The following DSCAML1 variants were observed in gnomAD, a reference collection of about 807,000 sequenced individuals.
DSCAML1 encodes DS cell adhesion molecule like 1.
A neutral mutation model predicts 200.5 loss-of-function variants in DSCAML1; 38 were observed. The ratio of observed to expected loss-of-function variants is 0.19; its 90% CI spans 0.15 to 0.25. The LOEUF (loss-of-function observed/expected upper bound fraction) is 0.25, where lower values mean the gene tolerates loss of function less well. Ranked by LOEUF, DSCAML1 falls within the 10% of genes least tolerant of loss-of-function variation. The pLI is 1.00. For missense variants in DSCAML1, 2,223 were observed against 2,858.8 expected (o/e 0.78, Z 5.07); for synonymous variants, 1,215 against 1,165.0 (o/e 1.04, Z -0.87).
chr11:117,780,709 C>T lies in DSCAML1; in HGVS notation c.148G>A (p.Ala50Thr), dbSNP rs755025973. 11 of 1,580,020 alleles carry T rather than the reference C, an allele frequency of 7.0e-6. No individual in the cohort carries two copies. In the East Asian group the frequency reaches 1.4e-4, roughly 20 times the overall value. The change falls in exon 2 of 33, where the codon GCG becomes ACG. Residue 50 changes from alanine (A) to threonine (T), a missense_variant. This residue lies in a region of DSCAML1 where 579 missense variants were observed against 721.5 expected (regional missense o/e 0.80). Coordinates refer to ENST00000651296, the MANE Select transcript of DSCAML1 (RefSeq NM_020693.4). The surrounding 1 kb of genome is among the most constrained non-coding windows in gnomAD (Gnocchi z 4.8). Reference sequence around the variant, plus strand: ...CGAAGGGCCGCGCTGGGGGAGCCCGCGGCCGGGCAGGGCACCACCACCCCC... The same window carrying T: ...CGAAGGGCCGCGCTGGGGGAGCCCGTGGCCGGGCAGGGCACCACCACCCCC... ...SVGVVVPCPA[A>T]GSPSAALRWY...
At chr11:117,484,886 A>AGTGTGTGTGTGTGTGT (rs55850829) in intron 11 of DSCAML1, among the ~76,000 whole-genome samples, 45 of 119,188 alleles carry the variant, frequency 3.8e-4, no homozygotes, top group Non-Finnish European at 5.1e-4. Context: ...GCAGAGGAAC[A>AGTGTGTGTGTGTGTGT]GTGTGTGTGT....
chr11:117,705,012 T>C (rs758344964), intron 3 of DSCAML1, among the ~76,000 whole-genome samples: 4 of 152,068 alleles, frequency 2.6e-5, no homozygotes, highest in Non-Finnish European at 5.9e-5. Context: ...GTGTGTGTGG[T>C]GCAAAGACTC....
chr11:117,731,631 C>T (rs1452433676), intron 3 of DSCAML1, among the ~76,000 whole-genome samples: 6 of 152,198 alleles, frequency 3.9e-5, no homozygotes, highest in East Asian at 3.8e-4. Flanking sequence ...CATACTTCCT[C>T]GGGGTCACAT....
intron 4 of DSCAML1, among the ~76,000 whole-genome samples, chr11:117,528,909 A>G (rs1194732320): frequency 6.6e-6 from 1 of 151,972 alleles, no homozygotes; most frequent in East Asian, 1.9e-4. Flanking sequence ...GAAAATACAG[A>G]AAAATGAAAG....
At chr11:117,730,536 A>G (rs925368635) in intron 3 of DSCAML1, among the ~76,000 whole-genome samples, 1 of 152,240 alleles carries the variant, frequency 6.6e-6, no homozygotes, top group Non-Finnish European at 1.5e-5. Context: ...ACACAGCAGC[A>G]ATCAGAAGGA....
In DSCAML1 at chr11:117,518,695, C is replaced by A; in HGVS notation, c.1281G>T (p.Leu427=). The change falls in exon 7 of 33, where the codon CTG becomes CTT. Residue 427 remains leucine (L), a synonymous_variant. Transcript: ENST00000651296. This position sits in a 1 kb window ranked among gnomAD's most constrained non-coding sequence, Gnocchi z 6.3. The part of the protein sequence containing the change: ...KVVNPGEQFS[L]MCAAKGAPPP... The stretch of plus-strand genomic sequence containing the variant: ...GCGGGGCGCCCTTGGCCGCACACAT[C>A]AGTGAGAACTGCTCCCCGGGGTTGA... The A allele has an allele frequency of 6.2e-7, 1 of 1,613,366 alleles. No individual in the cohort carries two copies. The highest frequency in any genetic ancestry group is 1.1e-5 in the South Asian group (1 of 91,074).
intron 3 of DSCAML1, among the ~76,000 whole-genome samples, chr11:117,641,853 A>C (rs1051284942): frequency 1.3e-5 from 2 of 152,052 alleles, no homozygotes; most frequent in African/African-American, 4.8e-5. Context: ...TGCATATCGT[A>C]CCCAGCCAGG....
At chr11:117,681,915 G>A (rs2053319679) in intron 3 of DSCAML1, among the ~76,000 whole-genome samples, 1 of 152,136 alleles carries the variant, frequency 6.6e-6, no homozygotes, top group African/African-American at 2.4e-5. Context: ...CTAACTGGTT[G>A]CCCTGTCCCA....
intron 3 of DSCAML1, among the ~76,000 whole-genome samples, chr11:117,597,350 G>C (rs1369087812): frequency 1.3e-5 from 2 of 152,204 alleles, no homozygotes; most frequent in Non-Finnish European, 2.9e-5. Context: ...AGCAAACTGG[G>C]GGGCAGGTGT....
Position 117,480,375 on chromosome 11 carries a change from A to G in DSCAML1, c.2785+68T>C. On this transcript the variant is annotated intron_variant, in intron 14 of 32. Coordinates refer to ENST00000651296, the MANE Select transcript of DSCAML1 (RefSeq NM_020693.4). The surrounding 1 kb of genome is among the most constrained non-coding windows in gnomAD (Gnocchi z 4.1). The stretch of plus-strand genomic sequence containing the variant: ...CTCAGGGGCTCTCCTCCCAGAGGGC[A>G]CAGGCAGGACACGTGGCACAAGGGG... The G allele has an allele frequency of 3.1e-6, 5 of 1,595,362 alleles. No homozygotes were observed. The South Asian group carries it at 3.4e-5, about 11-fold the overall frequency.
Position 117,469,992 on chromosome 11 carries a change from A to G in DSCAML1, c.2954-12T>C, listed in dbSNP as rs1035532889. Reference sequence around the variant, plus strand: ...GGGCCCATCGGGAGCTGAGCAGGGTAGCGGGGAGGAGAAACATTACAAGTC... The same window carrying G: ...GGGCCCATCGGGAGCTGAGCAGGGTGGCGGGGAGGAGAAACATTACAAGTC... On this transcript the variant is annotated splice_polypyrimidine_tract_variant and intron_variant, in intron 15 of 32. Coordinates refer to ENST00000651296, the MANE Select transcript of DSCAML1 (RefSeq NM_020693.4). The surrounding 1 kb of genome is among the most constrained non-coding windows in gnomAD (Gnocchi z 4.1). The G allele has an allele frequency of 6.3e-7, 1 of 1,585,154 alleles. No individual in the cohort carries two copies. The highest frequency in any genetic ancestry group is 1.3e-5 in the African/African-American group (1 of 74,480).
At chr11:117,669,297 C>T (rs2053051322) in intron 3 of DSCAML1, among the ~76,000 whole-genome samples, 1 of 152,152 alleles carries the variant, frequency 6.6e-6, no homozygotes, top group Admixed American at 6.5e-5. Flanking sequence ...CCAGGGTGGG[C>T]AGATGGTCTG....
At chr11:117,705,606 G>C (rs1036647752) in intron 3 of DSCAML1, among the ~76,000 whole-genome samples, 1 of 152,186 alleles carries the variant, frequency 6.6e-6, no homozygotes, top group Non-Finnish European at 1.5e-5. Context: ...CTCAGAAAGA[G>C]AGACCAGTAC....
At chr11:117,449,918 G>T (rs563678134) in intron 20 of DSCAML1, among the ~76,000 whole-genome samples, 1 of 152,254 alleles carries the variant, frequency 6.6e-6, no homozygotes, top group East Asian at 1.9e-4. Context: ...TCTCTGTGGG[G>T]CCCCTCAGAG....
At chr11:117,453,747 T>TTTC (rs368068909) in intron 19 of DSCAML1, among the ~76,000 whole-genome samples, 3 of 101,438 alleles carry the variant, frequency 3.0e-5, no homozygotes, top group African/African-American at 1.1e-4. Flanking sequence ...TCTTTCTTTC[T>TTTC]TTTTTTTTTT....
intron 3 of DSCAML1, among the ~76,000 whole-genome samples, chr11:117,766,639 G>A (rs1420862622): frequency 6.6e-6 from 1 of 152,222 alleles, no homozygotes; most frequent in Non-Finnish European, 1.5e-5. Flanking sequence ...CACCGCCAGG[G>A]TGTGATCCCG....
intron 3 of DSCAML1, among the ~76,000 whole-genome samples, chr11:117,678,033 G>T (rs903325961): frequency 6.6e-6 from 1 of 152,232 alleles, no homozygotes; most frequent in African/African-American, 2.4e-5. Flanking sequence ...GTCATTGCCT[G>T]CATGGGGAGC....
intron 3 of DSCAML1, among the ~76,000 whole-genome samples, chr11:117,684,449 A>G (rs1214328672): frequency 6.7e-6 from 1 of 149,342 alleles, no homozygotes; most frequent in Non-Finnish European, 1.5e-5. Context: ...AAAAAAAAAA[A>G]AAAAAAAAAA....
rs762520908 is a variant in DSCAML1 at position 117,463,474 on chromosome 11, T to C, written c.3265+1468A>G. Among the ~76,000 whole-genome samples the C allele has an allele frequency of 1.3e-5, 2 of 151,714 alleles. No homozygotes were observed. Among genetic ancestry groups the C allele is most frequent in the African/African-American group, 4.8e-5 (2 of 41,262 alleles). On this transcript the variant is annotated intron_variant, in intron 17 of 32. Transcript: ENST00000651296. This position sits in a 1 kb window ranked among gnomAD's most constrained non-coding sequence, Gnocchi z 4.0. The stretch of plus-strand genomic sequence containing the variant: ...CCTCAGACCTGCTTGAAGCAGAAGC[T>C]CTGGGGGTTGGAGCCCAGCAACCTA...
Sources: gnomAD v4.1 joint callset for allele counts (sites outside exome capture counted in the v4.1 genomes callset) on GRCh38, gnomAD v4.1.1 for gene constraint, gnomAD v4.1.1 regional missense constraint, Gnocchi (gnomAD v3.1) non-coding constraint, MANE v1.5 for transcripts, NCBI Gene and HGNC (gene_info 2026-07-23, HGNC 2026-07-21) for gene names.